The following EGFR variants were observed in gnomAD, a reference collection of about 807,000 sequenced individuals.
The protein encoded by EGFR is avian erythroblastic leukemia viral (v-erb-b) oncogene homolog.
Under a neutral mutation model 143.0 loss-of-function variants are expected in EGFR, and 58 were observed. That is an observed-to-expected ratio of 0.41 (90% CI 0.33 to 0.50). The LOEUF (loss-of-function observed/expected upper bound fraction) is 0.50, where lower values mean the gene tolerates loss of function less well. EGFR is among the 20% of genes least tolerant of loss of function. The probability of loss-of-function intolerance (pLI) is 0.39; values close to 1 mark genes in which losing one functional copy is unlikely to be tolerated. For synonymous variants in EGFR, 613 were observed against 594.4 expected (o/e 1.03, Z -0.45); for missense variants, 1,307 against 1,579.0 (o/e 0.83, Z 2.92).
chr7:55,173,103 G>A lies in EGFR; in HGVS notation c.2040G>A (p.Arg680=), dbSNP rs1413380782. ...RRHIVRKRTL[R]RLLQERELVE... The stretch of plus-strand genomic sequence containing the variant: ...ACATCGTTCGGAAGCGCACGCTGCG[G>A]AGGCTGCTGCAGGAGAGGGAGGTGA... The change falls in exon 17 of 28, where the codon CGG becomes CGA. Residue 680 remains arginine (R), a synonymous_variant. Transcript: ENST00000275493. 1 of 1,611,716 alleles carries A rather than the reference G, an allele frequency of 6.2e-7. No individual in the cohort carries two copies.
intron 1 of EGFR, among the ~76,000 whole-genome samples, chr7:55,065,745 T>A (rs1186292144): frequency 6.6e-6 from 1 of 152,124 alleles, no homozygotes; most frequent in Non-Finnish European, 1.5e-5. Flanking sequence ...GCCATTTTAC[T>A]TTCCCTCTTC....
chr7:55,027,991 A>ATATATATATATATATAT (rs1554311535), intron 1 of EGFR, among the ~76,000 whole-genome samples: 12 of 54,986 alleles, frequency 2.2e-4, no homozygotes, highest in Non-Finnish European at 3.3e-4. Flanking sequence ...AAAAAAAAAA[A>ATATATATATATATATAT]ATATATATAT....
rs1400680030 is a variant in EGFR at position 55,210,036 on chromosome 7, A to T, written c.*4419A>T. On this transcript the variant is annotated 3_prime_UTR_variant, in exon 28 of 28. Coordinates refer to ENST00000275493, the MANE Select transcript of EGFR (RefSeq NM_005228.5). ...TATATTTAGGAAATTTTAAAAGATG[A>T]TGGAAAGCACATTTAGCTTGGTCTG... is the stretch of plus-strand genomic sequence containing the variant. 1 of 152,152 alleles carries T rather than the reference A, an allele frequency of 6.6e-6. No homozygotes were observed. Among genetic ancestry groups the T allele is most frequent in the African/African-American group, 2.4e-5 (1 of 41,434 alleles). The allele number at this position is 152,152 out of a possible 1,614,324, so 9.4% of individuals were successfully genotyped here.
At chr7:55,181,072 C>G (rs1584237450) in intron 19 of EGFR, 2 of 612,480 alleles carry the variant, frequency 3.3e-6, no homozygotes, top group South Asian at 3.8e-5. Context: ...GGGGAATCCC[C>G]AGATGCACCC....
chr7:55,161,871 A>G (rs1785724256), intron 13 of EGFR, among the ~76,000 whole-genome samples: 1 of 152,256 alleles, frequency 6.6e-6, no homozygotes, highest in Admixed American at 6.5e-5. Context: ...AATAATTTAT[A>G]GAATCTCTTT....
At position 55,211,016 on chromosome 7, in the gene EGFR, C is replaced by T. The variant is rs1788224493; in HGVS notation, c.*5399C>T. On this transcript the variant is annotated 3_prime_UTR_variant, in exon 28 of 28. Coordinates refer to ENST00000275493, the MANE Select transcript of EGFR (RefSeq NM_005228.5). ...CTTTAAGAAACATTTGTTATACATT[C>T]CTCACAAATTATACCTGGGATAAAA... 1 of 152,184 alleles carries T rather than the reference C, an allele frequency of 6.6e-6. No individual in the cohort carries two copies. The highest frequency in any genetic ancestry group is 6.5e-5 in the Admixed American group (1 of 15,280). 9.4% of individuals were successfully genotyped at this position (152,184 alleles called of 1,614,324 possible). A position where few individuals can be genotyped will look rare whatever the true frequency, so the allele number is the denominator to read the frequency against.
intron 1 of EGFR, among the ~76,000 whole-genome samples, chr7:55,126,948 C>T (rs1168010703): frequency 6.6e-6 from 1 of 152,104 alleles, no homozygotes; most frequent in East Asian, 1.9e-4. Flanking sequence ...CAAACACCCC[C>T]GCTTAACCTC....
At chr7:55,037,948 A>T (rs1787690254) in intron 1 of EGFR, among the ~76,000 whole-genome samples, 1 of 152,210 alleles carries the variant, frequency 6.6e-6, no homozygotes, top group Non-Finnish European at 1.5e-5. Context: ...ATTCCACTCC[A>T]GCATTTCCAG....
At chr7:55,143,179 AGTT>A in intron 2 of EGFR, 123 bp from the exon 3 acceptor site, 2 of 893,778 alleles carry the variant, frequency 2.2e-6, no homozygotes, top group Non-Finnish European at 3.6e-6. Context: ...CCTATTTTAC[AGTT>A]GTTGAGCACT....
intron 1 of EGFR, among the ~76,000 whole-genome samples, chr7:55,097,223 G>A (rs912071362): frequency 2.0e-5 from 3 of 148,416 alleles, no homozygotes; most frequent in Non-Finnish European, 3.0e-5. Context: ...TGGTGTCTTT[G>A]CACTTCTTCA....
At chr7:55,118,895 A>C (rs977701630) in intron 1 of EGFR, among the ~76,000 whole-genome samples, 1 of 148,596 alleles carries the variant, frequency 6.7e-6, no homozygotes, top group African/African-American at 2.4e-5. Context: ...TTTTACTTAA[A>C]AAACTCATAC....
chr7:55,136,510 A>G (rs1036260319), intron 1 of EGFR, among the ~76,000 whole-genome samples: 1 of 152,086 alleles, frequency 6.6e-6, no homozygotes, highest in Admixed American at 6.5e-5. Context: ...TAAATCCAAC[A>G]TGTGTGTGTG....
chr7:55,113,602 G>GA (rs796115538), intron 1 of EGFR, among the ~76,000 whole-genome samples: 23 of 152,132 alleles, frequency 1.5e-4, no homozygotes, highest in African/African-American at 5.3e-4. Flanking sequence ...GATCGATAAG[G>GA]AAAAAAATCA....
chr7:55,029,964 G>A (rs1302407217), intron 1 of EGFR, among the ~76,000 whole-genome samples: 5 of 152,126 alleles, frequency 3.3e-5, no homozygotes, highest in Admixed American at 6.5e-5. Context: ...ACAACACCTC[G>A]CATTTGTACA....
chr7:55,047,072 G>T (rs993483041), intron 1 of EGFR, among the ~76,000 whole-genome samples: 1 of 152,162 alleles, frequency 6.6e-6, no homozygotes, highest in African/African-American at 2.4e-5. Flanking sequence ...AAAAGTTACC[G>T]GTACGATAGG....
rs755574890 is a variant in EGFR, at chr7:55,201,772, A to G, written c.3152A>G (p.Asp1051Gly). 1.2e-5 allele frequency: 19 copies of G among 1,614,092 alleles called. No homozygotes were observed. In the African/African-American group the frequency reaches 2.1e-4, roughly 18 times the overall value. The change falls in exon 26 of 28, where the codon GAT becomes GGT. Residue 1051 changes from aspartate to glycine, a missense_variant. By Grantham distance (94) the Asp-to-Gly change is moderately conservative (BLOSUM62 -1). Around this residue, in one of 7 missense-constraint regions of EGFR, gnomAD observed 313 missense variants for 312.3 expected, o/e 1.00. Transcript: ENST00000275493. ...AACAATTCCACCGTGGCTTGCATTG[A>G]TAGAAATGGGGTATGTATGAACACC... ...TSNNSTVACIDRNGLQSCPIK... is the reference protein window; with the variant it reads ...TSNNSTVACIGRNGLQSCPIK...
intron 16 of EGFR, 139 bp from the exon 17 acceptor site, chr7:55,172,844 A>G: frequency 6.3e-7 from 1 of 1,584,950 alleles, no homozygotes; most frequent in East Asian, 2.3e-5. Flanking sequence ...TTCTCCTTTT[A>G]GAAGCTACAT....
intron 1 of EGFR, among the ~76,000 whole-genome samples, chr7:55,070,331 TTC>T: frequency 6.6e-6 from 1 of 152,328 alleles, no homozygotes; most frequent in African/African-American, 2.4e-5. Flanking sequence ...AGCTTACTTC[TTC>T]TCTGTTAAAT....
intron 1 of EGFR, among the ~76,000 whole-genome samples, chr7:55,052,273 C>T (rs1032252906): frequency 2.0e-5 from 3 of 152,200 alleles, no homozygotes; most frequent in African/African-American, 7.2e-5. Flanking sequence ...AGCTTCCTGC[C>T]TTGCATGAGA....
Sources: allele counts gnomAD v4.1 joint callset (sites outside exome capture counted in the v4.1 genomes callset), GRCh38; gene constraint gnomAD v4.1.1; regional missense constraint gnomAD v4.1.1; transcripts MANE v1.5; gene names NCBI Gene and HGNC (gene_info 2026-07-23, HGNC 2026-07-21).